The following RASGRF1 variants were observed in gnomAD, a reference collection of about 807,000 sequenced individuals.
RASGRF1 encodes the protein ras-specific guanine nucleotide-releasing factor 1.
RASGRF1 carries 40 observed loss-of-function variants against 138.7 expected under a neutral mutation model. The ratio of observed to expected loss-of-function variants is 0.29; its 90% confidence interval spans 0.22 to 0.38. The LOEUF (loss-of-function observed/expected upper bound fraction) is 0.38, where lower values mean the gene tolerates loss of function less well. Among genes scored for constraint, RASGRF1 ranks in the 10% least tolerant of loss-of-function variants. RASGRF1 has a pLI of 1.00. For missense variants in RASGRF1, 1,108 were observed against 1,650.4 expected (o/e 0.67, Z 5.69); for synonymous variants, 614 against 663.2 (o/e 0.93, Z 1.14).
At chr15:78,978,929 C>T (rs1033926818) in intron 24 of RASGRF1, 18 of 1,275,154 alleles carry the variant, frequency 1.4e-5, no homozygotes, top group African/African-American at 6.1e-5. Context: ...GACACTTACA[C>T]GGGCCCACAG....
intron 20 of RASGRF1, among the ~76,000 whole-genome samples, chr15:78,993,128 A>G (rs1357187108): frequency 4.0e-4 from 43 of 106,194 alleles, no homozygotes; most frequent in Middle Eastern, 8.5e-3. Context: ...GTGCATGTGT[A>G]TGTGGGGTGT....
rs1272117754 is a variant in RASGRF1 at position 79,032,339 on chromosome 15, G to A, written c.959-23C>T. The A allele has an allele frequency of 3.1e-6, 5 of 1,610,804 alleles. No individual in the cohort carries two copies. The African/African-American group carries it at 4.0e-5, about 13-fold the overall frequency. ...CAGCTGGAAGGACGAGGCAGTCAGC[G>A]GGTGGCTAGGGCAGCTTGGTGGGGA... On this transcript the variant is annotated intron_variant, in intron 6 of 26. Transcript: ENST00000558480. This position sits in a 1 kb window ranked among gnomAD's most constrained non-coding sequence, Gnocchi z 4.5.
chr15:78,968,023 C>G (rs996103831), intron 26 of RASGRF1, among the ~76,000 whole-genome samples: 4 of 152,102 alleles, frequency 2.6e-5, no homozygotes, highest in Admixed American at 2.0e-4. Flanking sequence ...CCAGATCTAA[C>G]CGACATTCAC....
At chr15:78,991,525 G>T (rs2056266405) in intron 21 of RASGRF1, among the ~76,000 whole-genome samples, 166 bp downstream of exon 21, 1 of 152,178 alleles carries the variant, frequency 6.6e-6, no homozygotes, top group East Asian at 1.9e-4. Flanking sequence ...TGGTGGGCAG[G>T]AACGGGAACA....
chr15:79,025,864 G>A (rs548929256), intron 9 of RASGRF1, among the ~76,000 whole-genome samples: 1 of 151,802 alleles, frequency 6.6e-6, no homozygotes, highest in Admixed American at 6.6e-5. Flanking sequence ...ACTCCTGCTG[G>A]GAACTACTTA....
intron 26 of RASGRF1, among the ~76,000 whole-genome samples, chr15:78,967,856 T>C (rs190152538): frequency 2.8e-4 from 43 of 152,298 alleles, no homozygotes; most frequent in Middle Eastern, 3.4e-3. Context: ...CAGCCATGCA[T>C]CTCCTAAGAA....
intron 1 of RASGRF1, among the ~76,000 whole-genome samples, chr15:79,078,785 T>C (rs2057874580): frequency 6.6e-6 from 1 of 152,260 alleles, no homozygotes; most frequent in Non-Finnish European, 1.5e-5. Context: ...TTTGTCCCTG[T>C]TCTCAGTGCC....
intron 26 of RASGRF1, among the ~76,000 whole-genome samples, chr15:78,965,775 T>C (rs7175091): frequency 0.68 from 103,224 of 152,162 alleles, 38,037 homozygotes; most frequent in Non-Finnish European, 0.84. Context: ...CACTTGAACC[T>C]GGGAGGCAGA....
chr15:79,023,930 C>T (rs1188482925), intron 10 of RASGRF1, among the ~76,000 whole-genome samples: 3 of 151,904 alleles, frequency 2.0e-5, no homozygotes, highest in Admixed American at 1.3e-4. Context: ...CACAGACACA[C>T]ACACCACACA....
rs369735686 is a variant in RASGRF1 at position 79,079,548 on chromosome 15, TC to T, written c.276+10674del. ...TGATCAATGTACTTGCAGAGAATCC[TC>T]TCCACAAAATAGTGAGAAAAACATG... On this transcript the variant is annotated intron_variant, in intron 1 of 26. Coordinates refer to ENST00000558480, the MANE Select transcript of RASGRF1 (RefSeq NM_001145648.3). Among the ~76,000 whole-genome samples, 51 of 151,952 alleles carry T rather than the reference TC, an allele frequency of 3.4e-4. No homozygotes were observed. The East Asian group carries it at 5.0e-3, about 15-fold the overall frequency.
chr15:79,076,401 T>C (rs562844670), intron 1 of RASGRF1, among the ~76,000 whole-genome samples: 1 of 152,284 alleles, frequency 6.6e-6, no homozygotes, highest in Admixed American at 6.5e-5. Flanking sequence ...AACGTGGTTG[T>C]TGTCATACTA....
chr15:79,049,927 G>GT (rs537184485), intron 3 of RASGRF1, among the ~76,000 whole-genome samples: 100 of 152,126 alleles, frequency 6.6e-4, no homozygotes, highest in Non-Finnish European at 9.9e-4. Context: ...TAAATCTGTG[G>GT]TTCTCCTCCC....
At chr15:79,087,063 C>G in intron 1 of RASGRF1, among the ~76,000 whole-genome samples, 1 of 152,238 alleles carries the variant, frequency 6.6e-6, no homozygotes, top group East Asian at 1.9e-4. Flanking sequence ...TAGGCTAGAG[C>G]TCCCTGGACA....
intron 5 of RASGRF1, among the ~76,000 whole-genome samples, chr15:79,037,896 A>C (rs1322003126): frequency 6.6e-6 from 1 of 151,940 alleles, no homozygotes; most frequent in Non-Finnish European, 1.5e-5. Context: ...ACAGTGACAG[A>C]TCATCAGGCA....
chr15:79,068,100 T>C (rs2057703617), intron 1 of RASGRF1, among the ~76,000 whole-genome samples: 1 of 152,188 alleles, frequency 6.6e-6, no homozygotes, highest in Non-Finnish European at 1.5e-5. Flanking sequence ...ACTGTCCCTG[T>C]GTTCCTGAGG....
intron 15 of RASGRF1, among the ~76,000 whole-genome samples, chr15:79,002,762 AGT>A (rs1455623079): frequency 6.6e-6 from 1 of 152,182 alleles, no homozygotes; most frequent in Non-Finnish European, 1.5e-5. Context: ...TGCCACGGTG[AGT>A]GTTACTTGGT....
intron 6 of RASGRF1, among the ~76,000 whole-genome samples, chr15:79,033,659 G>C (rs557440616): frequency 3.1e-5 from 4 of 130,342 alleles, no homozygotes; most frequent in African/African-American, 1.2e-4. Context: ...GTGAGATCTC[G>C]GCTCACTGCG....
intron 2 of RASGRF1, among the ~76,000 whole-genome samples, chr15:79,061,490 T>C (rs777061474): frequency 6.7e-6 from 1 of 148,734 alleles, no homozygotes; most frequent in African/African-American, 2.5e-5. Context: ...AGGTCTTAAG[T>C]GCAGTTTGAT....
intron 13 of RASGRF1, among the ~76,000 whole-genome samples, chr15:79,010,954 G>C (rs2056784198): frequency 6.6e-6 from 1 of 152,212 alleles, no homozygotes; most frequent in African/African-American, 2.4e-5. Context: ...GTATACCTTT[G>C]TCTTGCAAAC....
Sources: allele counts gnomAD v4.1 joint callset (sites outside exome capture counted in the v4.1 genomes callset), GRCh38; gene constraint gnomAD v4.1.1; non-coding constraint Gnocchi (gnomAD v3.1); transcripts MANE v1.5; gene names NCBI Gene and HGNC (gene_info 2026-07-23, HGNC 2026-07-21).